NXN: variants seen among roughly 807,000 people sequenced by gnomAD.
NXN encodes the protein nucleoredoxin, also known as nucleoredoxin 1.
Under a neutral mutation model 48.6 loss-of-function variants are expected in NXN, and 16 were observed. The ratio of observed to expected loss-of-function variants is 0.33; its 90% CI spans 0.22 to 0.50. NXN has a LOEUF of 0.50. Among genes scored for constraint, NXN ranks in the 20% least tolerant of loss-of-function variants. NXN has a pLI of 0.98. For missense variants in NXN, 492 were observed against 605.5 expected, an observed-to-expected ratio of 0.81 and a Z score of 1.97; for synonymous variants, 281 against 269.6, an observed-to-expected ratio of 1.04 and a Z score of -0.41.
At chr17:808,496 T>C (rs965652380) in intron 5 of NXN, among the ~76,000 whole-genome samples, 4 of 152,094 alleles carry the variant, frequency 2.6e-5, no homozygotes, top group Middle Eastern at 3.4e-3. Flanking sequence ...GGTTTCCCCA[T>C]GTTGGCCAGG....
intron 5 of NXN, among the ~76,000 whole-genome samples, chr17:813,859 A>G (rs1220683314): frequency 6.6e-6 from 1 of 151,582 alleles, no homozygotes; most frequent in African/African-American, 2.4e-5. Context: ...CCAGCTACTC[A>G]GGAGGCTGAG....
rs564653330 is a variant in NXN, at chr17:830,397, C to T, written c.361-4319G>A. On this transcript the variant is annotated intron_variant, in intron 1 of 7. Transcript: ENST00000336868. The surrounding 1 kb of genome is among the most constrained non-coding windows in gnomAD (Gnocchi z 4.2). The stretch of plus-strand genomic sequence containing the variant: ...AAAGAAAACAGGGCGGGTAAGATCA[C>T]GGCTGCAACTGGGAAGCTGGGATGG... Among the ~76,000 whole-genome samples the T allele has an allele frequency of 3.9e-5, 6 of 152,042 alleles. No individual in the cohort carries two copies. The South Asian group carries it at 1.0e-3, about 26-fold the overall frequency.
At chr17:918,503 G>C (rs185149155) in intron 1 of NXN, among the ~76,000 whole-genome samples, 1 of 152,172 alleles carries the variant, frequency 6.6e-6, no homozygotes, top group Non-Finnish European at 1.5e-5. Context: ...ACTTAAAAAG[G>C]GTTTGGTTGA....
intron 1 of NXN, among the ~76,000 whole-genome samples, chr17:856,130 T>C (rs111724324): frequency 0.014 from 2,112 of 151,516 alleles, 28 homozygotes; most frequent in African/African-American, 0.033. Context: ...GAGGTGGAGG[T>C]TGCAGTGAGC....
At chr17:860,939 G>A (rs2068033951) in intron 1 of NXN, among the ~76,000 whole-genome samples, 1 of 152,184 alleles carries the variant, frequency 6.6e-6, no homozygotes, top group African/African-American at 2.4e-5. Context: ...GAACTGAAAA[G>A]AAAGTTTGAA....
At chr17:876,863 A>G (rs1216956236) in intron 1 of NXN, among the ~76,000 whole-genome samples, 1 of 152,062 alleles carries the variant, frequency 6.6e-6, no homozygotes, top group African/African-American at 2.4e-5. Flanking sequence ...CCTGGCCAAC[A>G]CAGTGAAACC....
chr17:807,355 CGTGTGCCCCGGCGTGGGATGCCGA>C (rs1911618173), intron 5 of NXN, among the ~76,000 whole-genome samples: 1 of 152,206 alleles, frequency 6.6e-6, no homozygotes, highest in Non-Finnish European at 1.5e-5. Context: ...GGCCAGCCTG[CGTGTGCCCCGGCGTGGGATGCCGA>C]GTGGGTCTGT....
In NXN at chr17:800,344, T is replaced by C. The variant is rs1055606307; in HGVS notation, c.*605A>G. On this transcript the variant is annotated 3_prime_UTR_variant, in exon 8 of 8. Transcript: ENST00000336868. ...GGAGCTGTTTGTATGATATGAACCATTACCTTAGCTACATTTTTCTTCTCA... is the reference window on the plus strand; with the variant it reads ...GGAGCTGTTTGTATGATATGAACCACTACCTTAGCTACATTTTTCTTCTCA... 6.6e-5 allele frequency: 10 copies of C among 152,194 alleles called. No homozygotes were observed. The highest frequency in any genetic ancestry group is 2.4e-4 in the African/African-American group (10 of 41,436). 9.4% of individuals were successfully genotyped at this position (152,194 alleles called of 1,614,324 possible). A position where few individuals can be genotyped will look rare whatever the true frequency, so the allele number is the denominator to read the frequency against.
In NXN at chr17:932,568, G is replaced by A. The variant is rs1406270384; in HGVS notation, c.360+46751C>T. On this transcript the variant is annotated intron_variant, in intron 1 of 7. Coordinates refer to ENST00000336868, the MANE Select transcript of NXN (RefSeq NM_022463.5). This position sits in a 1 kb window ranked among gnomAD's most constrained non-coding sequence, Gnocchi z 4.1. ...CCTGAGCCCCTTCTAAGAAAACACAGGCTGGATTTTAAAGGATCTCTAGGG... is the reference window on the plus strand; with the variant it reads ...CCTGAGCCCCTTCTAAGAAAACACAAGCTGGATTTTAAAGGATCTCTAGGG... 6.6e-6 allele frequency among the ~76,000 whole-genome samples: 1 copy of A among 152,226 alleles called. No homozygotes were observed. The highest frequency in any genetic ancestry group is 2.4e-5 in the African/African-American group (1 of 41,466).
intron 1 of NXN, among the ~76,000 whole-genome samples, chr17:856,053 C>T (rs1162779325): frequency 1.3e-5 from 2 of 152,026 alleles, no homozygotes; most frequent in Non-Finnish European, 2.9e-5. Context: ...ATTAGCTGGG[C>T]GTGGTGGCAC....
intron 1 of NXN, among the ~76,000 whole-genome samples, chr17:860,939 G>T (rs2068033951): frequency 6.6e-6 from 1 of 152,184 alleles, no homozygotes; most frequent in South Asian, 2.1e-4. Flanking sequence ...GAACTGAAAA[G>T]AAAGTTTGAA....
intron 1 of NXN, among the ~76,000 whole-genome samples, chr17:911,832 T>C (rs765812879): frequency 4.6e-5 from 7 of 151,586 alleles, no homozygotes; most frequent in Non-Finnish European, 1.0e-4. Flanking sequence ...AAACAAAATA[T>C]GCACATAAAA....
chr17:841,630 GCA>G (rs1914303793), intron 1 of NXN, among the ~76,000 whole-genome samples: 1 of 140,250 alleles, frequency 7.1e-6, no homozygotes, highest in Non-Finnish European at 1.6e-5. Flanking sequence ...ACACGGGCAA[GCA>G]GGTCCACCCT....
chr17:871,007 C>T (rs941478312), intron 1 of NXN, among the ~76,000 whole-genome samples: 5 of 151,494 alleles, frequency 3.3e-5, no homozygotes, highest in African/African-American at 4.9e-5. Flanking sequence ...TACAGGCGCC[C>T]GCCATCACGC....
chr17:919,481 CG>C lies in NXN; in HGVS notation c.360+59837del, dbSNP rs916006442. ...TGCTAGAAAACGTGTTATTGTAACA[CG>C]AGGAAAAAGCCCTGTAATCTCAGCA... is the stretch of plus-strand genomic sequence containing the variant. On this transcript the variant is annotated intron_variant, in intron 1 of 7. Coordinates refer to ENST00000336868, the MANE Select transcript of NXN (RefSeq NM_022463.5). This position sits in a 1 kb window ranked among gnomAD's most constrained non-coding sequence, Gnocchi z 5.1. 1.3e-4 allele frequency among the ~76,000 whole-genome samples: 20 copies of C among 152,100 alleles called. No individual in the cohort carries two copies. The highest frequency in any genetic ancestry group is 4.8e-4 in the African/African-American group (20 of 41,408).
chr17:923,523 CA>C (rs1435488230), intron 1 of NXN, among the ~76,000 whole-genome samples: 1 of 152,116 alleles, frequency 6.6e-6, no homozygotes, highest in African/African-American at 2.4e-5. Context: ...GTCTCAAAAA[CA>C]AACAAAAATT....
At chr17:805,298 G>A (rs528489283) in intron 5 of NXN, 51 bp from the exon 6 acceptor site, 126 of 1,553,418 alleles carry the variant, frequency 8.1e-5, no homozygotes, top group Admixed American at 2.5e-4. Context: ...TGCTGGCCCT[G>A]CCTGGCAGGA....
intron 1 of NXN, among the ~76,000 whole-genome samples, chr17:975,795 G>T (rs964051067): frequency 6.6e-6 from 1 of 152,168 alleles, no homozygotes. Flanking sequence ...TCCCGGAGAC[G>T]GACCTCTCCA....
intron 1 of NXN, among the ~76,000 whole-genome samples, chr17:847,870 G>A (rs1009379273): frequency 1.3e-5 from 2 of 152,168 alleles, no homozygotes; most frequent in Admixed American, 6.5e-5. Context: ...CCAAGTGATT[G>A]ATGTAGAATA....
Sources: allele counts gnomAD v4.1 joint callset (sites outside exome capture counted in the v4.1 genomes callset), GRCh38; gene constraint gnomAD v4.1.1; non-coding constraint Gnocchi (gnomAD v3.1); transcripts MANE v1.5; gene names NCBI Gene and HGNC (gene_info 2026-07-23, HGNC 2026-07-21).